Variants in PRKG1 observed in about 807,000 individuals in gnomAD.
PRKG1 encodes the protein protein kinase cGMP-dependent 1, also known as cGMP-dependent protein kinase 1.
A neutral mutation model predicts 88.1 loss-of-function variants in PRKG1; 35 were observed. The ratio of observed to expected loss-of-function variants is 0.40; its 90% CI spans 0.30 to 0.53. The LOEUF is 0.53. Among genes scored for constraint, PRKG1 ranks in the 20% least tolerant of loss-of-function variants. The pLI, the probability that PRKG1 is intolerant of heterozygous loss-of-function variation, is 0.59. For missense variants in PRKG1, 540 were observed against 839.8 expected, an observed-to-expected ratio of 0.64 and a Z score of 4.41; for synonymous variants, 303 against 292.5, an observed-to-expected ratio of 1.04 and a Z score of -0.37.
At chr10:52,140,097 A>C (rs1167413774) in intron 8 of PRKG1, among the ~76,000 whole-genome samples, 6 of 152,218 alleles carry the variant, frequency 3.9e-5, no homozygotes, top group Non-Finnish European at 8.8e-5. Context: ...TCTCATCATT[A>C]AAACATGTAA....
At chr10:52,111,178 C>A (rs779883374) in intron 7 of PRKG1, among the ~76,000 whole-genome samples, 2 of 152,144 alleles carry the variant, frequency 1.3e-5, no homozygotes, top group Non-Finnish European at 2.9e-5. Flanking sequence ...CTTTTCATCA[C>A]ACAAGATAGA....
At position 51,033,446 on chromosome 10, in the gene PRKG1, A is replaced by G. The variant is rs1179030056; in HGVS notation, c.266+41802A>G. Among the ~76,000 whole-genome samples, 4 of 152,318 alleles carry G rather than the reference A, an allele frequency of 2.6e-5. No homozygotes were observed. In the East Asian group the frequency reaches 7.7e-4, roughly 29 times the overall value. On this transcript the variant is annotated intron_variant, in intron 1 of 17. Coordinates refer to the PRKG1 transcript ENST00000401604. ...AGTGATGGAGCCACAATTTGAAGTC[A>G]GTCTCACTATAGGACATGTACCCTT...
At chr10:51,481,946 AT>A (rs955188071) in intron 3 of PRKG1, among the ~76,000 whole-genome samples, 19 of 151,782 alleles carry the variant, frequency 1.3e-4, no homozygotes, top group South Asian at 4.2e-4. Context: ...CACCATGATA[AT>A]TTTTTTTTAG....
intron 3 of PRKG1, among the ~76,000 whole-genome samples, chr10:51,550,939 T>G (rs2132128015): frequency 6.6e-6 from 1 of 152,090 alleles, no homozygotes; most frequent in South Asian, 2.1e-4. Context: ...GGAAAGTATG[T>G]GTTGGGGTCA....
intron 1 of PRKG1, among the ~76,000 whole-genome samples, chr10:51,042,651 G>T (rs184268958): frequency 6.6e-6 from 1 of 152,308 alleles, no homozygotes; most frequent in East Asian, 1.9e-4. Flanking sequence ...AGGAGGCTTT[G>T]AGAGAGCAAG....
chr10:51,859,486 G>A (rs752092536), intron 4 of PRKG1, among the ~76,000 whole-genome samples: 2 of 150,174 alleles, frequency 1.3e-5, no homozygotes, highest in Non-Finnish European at 3.0e-5. Flanking sequence ...AATAGATGCA[G>A]CCCTTGATCT....
intron 2 of PRKG1, among the ~76,000 whole-genome samples, chr10:51,269,598 G>A (rs1159649147): frequency 6.6e-6 from 1 of 152,206 alleles, no homozygotes; most frequent in African/African-American, 2.4e-5. Flanking sequence ...ATTATTCTAA[G>A]TGAAGTAACT....
At chr10:51,118,220 G>A (rs944424185) in intron 1 of PRKG1, among the ~76,000 whole-genome samples, 1 of 151,908 alleles carries the variant, frequency 6.6e-6, no homozygotes, top group African/African-American at 2.4e-5. Context: ...AAAAGTTGAT[G>A]GAGCAAAGAG....
At chr10:51,471,926 T>C (rs1840058852) in intron 3 of PRKG1, among the ~76,000 whole-genome samples, 1 of 151,912 alleles carries the variant, frequency 6.6e-6, no homozygotes, top group African/African-American at 2.4e-5. Context: ...TGACATTACT[T>C]GGGCAAAATA....
chr10:51,915,985 A>G (rs1224258640), intron 5 of PRKG1, among the ~76,000 whole-genome samples: 1 of 152,202 alleles, frequency 6.6e-6, no homozygotes, highest in East Asian at 1.9e-4. Flanking sequence ...AGAAATTTGA[A>G]CCTTTACACA....
chr10:51,975,995 C>T (rs1904037), intron 5 of PRKG1, among the ~76,000 whole-genome samples: 85,915 of 151,648 alleles, frequency 0.57, 25,092 homozygotes, highest in East Asian at 0.72. Flanking sequence ...ATACAAGTGG[C>T]CAATAAGCAT....
chr10:52,248,603 CTT>C (rs1246047568), intron 9 of PRKG1, among the ~76,000 whole-genome samples: 1 of 152,154 alleles, frequency 6.6e-6, no homozygotes, highest in African/African-American at 2.4e-5. Flanking sequence ...TTACCAATAT[CTT>C]TGCATCAAAA....
At chr10:51,737,856 C>T (rs1222828990) in intron 3 of PRKG1, among the ~76,000 whole-genome samples, 2 of 151,526 alleles carry the variant, frequency 1.3e-5, no homozygotes, top group Non-Finnish European at 2.9e-5. Flanking sequence ...CTTCATCTCC[C>T]AGGTTCAAGC....
intron 1 of PRKG1, among the ~76,000 whole-genome samples, chr10:51,042,030 A>G (rs1843431209): frequency 6.6e-6 from 1 of 152,108 alleles, no homozygotes; most frequent in South Asian, 2.1e-4. Context: ...GAGCCAGCAA[A>G]GTAAAATGGA....
chr10:51,061,060 G>GGGGTGTGTGTGTGTGTGTGTGTGT (rs1491449534), intron 1 of PRKG1, among the ~76,000 whole-genome samples: 19 of 147,042 alleles, frequency 1.3e-4, no homozygotes, highest in African/African-American at 3.9e-4. Context: ...TATACCTAGG[G>GGGGTGTGTGTGTGTGTGTGTGTGT]GTGTGTGTGT....
intron 4 of PRKG1, among the ~76,000 whole-genome samples, chr10:51,901,728 A>G (rs568873027): frequency 1.5e-4 from 23 of 152,322 alleles, no homozygotes; most frequent in African/African-American, 5.5e-4. Context: ...AAATGGTGTC[A>G]CAACTTAGCT....
At chr10:51,327,201 G>T (rs888883196) in intron 2 of PRKG1, among the ~76,000 whole-genome samples, 2 of 152,076 alleles carry the variant, frequency 1.3e-5, no homozygotes, top group African/African-American at 4.8e-5. Context: ...GATCATTTGA[G>T]ATCAGGAGTT....
At chr10:52,167,628 GAA>G (rs111648936) in intron 9 of PRKG1, among the ~76,000 whole-genome samples, 3 of 142,102 alleles carry the variant, frequency 2.1e-5, no homozygotes, top group African/African-American at 2.6e-5. Context: ...ACCTTTTAAG[GAA>G]AAAAAAAAAA....
chr10:51,553,734 TGTATATAATATATGTATATATTAGATAC>T (rs1338286449), intron 3 of PRKG1, among the ~76,000 whole-genome samples: 2 of 138,944 alleles, frequency 1.4e-5, no homozygotes, highest in Non-Finnish European at 3.3e-5. Flanking sequence ...ATTAGATACG[TGTATATAATATATGTATATATTAGATAC>T]GTGTATATAA....
Sources: gnomAD v4.1 joint callset for allele counts (sites outside exome capture counted in the v4.1 genomes callset) on GRCh38, gnomAD v4.1.1 for gene constraint, MANE v1.5 for transcripts, NCBI Gene and HGNC (gene_info 2026-07-23, HGNC 2026-07-21) for gene names.